The following CCDC178 variants were observed in gnomAD, a reference collection of about 807,000 sequenced individuals.
CCDC178 encodes coiled-coil domain-containing protein 178.
CCDC178 carries 126 observed loss-of-function variants against 117.4 expected under a neutral mutation model. The observed-to-expected ratio is 1.07, with a 90% CI of 0.93 to 1.24. The LOEUF (loss-of-function observed/expected upper bound fraction) is 1.24, where lower values mean the gene tolerates loss of function less well. Ranked by LOEUF, CCDC178 falls within the 50% of genes most tolerant of loss-of-function variation. The pLI is 0.00. For synonymous variants in CCDC178, 283 were observed against 313.4 expected (o/e 0.90, Z 1.02); for missense variants, 1,030 against 986.9 (o/e 1.04, Z -0.59).
intron 20 of CCDC178, among the ~76,000 whole-genome samples, chr18:33,118,276 G>C (rs1758847028): frequency 1.3e-5 from 2 of 151,972 alleles, no homozygotes; most frequent in African/African-American, 4.8e-5. Context: ...AGGGGACAGA[G>C]CTGGGGCAAT....
chr18:33,227,571 T>C (rs971202147), intron 15 of CCDC178, among the ~76,000 whole-genome samples: 42 of 144,464 alleles, frequency 2.9e-4, no homozygotes, highest in African/African-American at 1.0e-3. Flanking sequence ...TATATATATA[T>C]ATATATATAC....
intron 21 of CCDC178, among the ~76,000 whole-genome samples, chr18:33,002,556 T>C (rs1161180081): frequency 6.6e-6 from 1 of 151,976 alleles, no homozygotes; most frequent in African/African-American, 2.4e-5. Flanking sequence ...GGAAAGTTTA[T>C]AGCAATAAGA....
intron 20 of CCDC178, among the ~76,000 whole-genome samples, chr18:33,173,204 CATGCCTGG>C (rs2058624940): frequency 6.6e-6 from 1 of 152,068 alleles, no homozygotes; most frequent in African/African-American, 2.4e-5. Context: ...TGCAGGCTAC[CATGCCTGG>C]ATAATTTTTG....
At chr18:33,152,110 G>A (rs1043897079) in intron 20 of CCDC178, among the ~76,000 whole-genome samples, 7 of 151,992 alleles carry the variant, frequency 4.6e-5, no homozygotes, top group East Asian at 1.9e-4. Context: ...TAAAGTTTTC[G>A]GAGAGGAGAA....
rs140607182 is a variant in CCDC178, at chr18:33,095,346, T to C, written c.2239-2436A>G. On this transcript the variant is annotated intron_variant, in intron 20 of 22. Coordinates refer to ENST00000383096, the MANE Select transcript of CCDC178 (RefSeq NM_001105528.4). ...TTAATAGTTTCCATATTGTCTAGAGTTTATTAAGGAAAATATTTTACTTGG... is the reference window on the plus strand; with the variant it reads ...TTAATAGTTTCCATATTGTCTAGAGCTTATTAAGGAAAATATTTTACTTGG... Among the ~76,000 whole-genome samples the C allele has an allele frequency of 8.5e-3, 1,293 of 151,990 alleles. 58 individuals are homozygous for C. Among genetic ancestry groups the C allele is most frequent in the Admixed American group, 0.074 (1,120 of 15,224 alleles).
At chr18:32,983,323 T>C (rs553208891) in intron 21 of CCDC178, 1 of 1,531,656 alleles carries the variant, frequency 6.5e-7, no homozygotes, top group East Asian at 2.4e-5. Context: ...GCAGAGAGTT[T>C]GGAAGTTTCT....
intron 14 of CCDC178, 66 bp downstream of exon 14, chr18:33,266,850 G>C: frequency 7.5e-7 from 1 of 1,340,958 alleles, no homozygotes; most frequent in East Asian, 2.4e-5. Flanking sequence ...ACACAAACTG[G>C]AGAGGTTTAT....
intron 20 of CCDC178, among the ~76,000 whole-genome samples, chr18:33,115,474 A>T (rs549592737): frequency 1.3e-5 from 2 of 152,196 alleles, no homozygotes; most frequent in East Asian, 3.9e-4. Context: ...TCAAACTAGG[A>T]TCACTATAAT....
At chr18:32,942,196 T>A (rs954295759) in intron 22 of CCDC178, among the ~76,000 whole-genome samples, 1 of 152,150 alleles carries the variant, frequency 6.6e-6, no homozygotes, top group Admixed American at 6.6e-5. Context: ...TTAGGTATAT[T>A]CAGTGAGAAC....
At chr18:33,233,355 T>C (rs1408398353) in intron 15 of CCDC178, among the ~76,000 whole-genome samples, 3 of 152,120 alleles carry the variant, frequency 2.0e-5, no homozygotes, top group South Asian at 4.1e-4. Flanking sequence ...GTATCAAATA[T>C]CAGTTTTTAT....
At chr18:33,023,451 A>G (rs186589057) in intron 21 of CCDC178, among the ~76,000 whole-genome samples, 21 of 152,318 alleles carry the variant, frequency 1.4e-4, no homozygotes, top group African/African-American at 5.0e-4. Flanking sequence ...CTTGGAAAAT[A>G]ACACATTTCT....
At chr18:33,371,816 C>CACACACACAA (rs1184839772) in intron 5 of CCDC178, among the ~76,000 whole-genome samples, 1 of 149,536 alleles carries the variant, frequency 6.7e-6, no homozygotes, top group East Asian at 1.9e-4. Context: ...CACACACACA[C>CACACACACAA]ACATATGTAA....
At chr18:33,230,328 T>TA (rs530059321) in intron 15 of CCDC178, among the ~76,000 whole-genome samples, 21 of 152,180 alleles carry the variant, frequency 1.4e-4, no homozygotes, top group African/African-American at 5.1e-4. Context: ...TCAAATATGA[T>TA]AAAACCGAGG....
intron 17 of CCDC178, 62 bp from the exon 18 acceptor site, chr18:33,223,281 C>T: frequency 6.8e-7 from 1 of 1,477,872 alleles, no homozygotes; most frequent in Non-Finnish European, 9.0e-7. Context: ...TCATTTAGGC[C>T]AAATCGTACT....
At chr18:32,939,166 C>T (rs2054185493) in intron 22 of CCDC178, among the ~76,000 whole-genome samples, 1 of 151,894 alleles carries the variant, frequency 6.6e-6, no homozygotes, top group African/African-American at 2.4e-5. Flanking sequence ...TATACTTAAG[C>T]AGGTATAAAA....
intron 21 of CCDC178, among the ~76,000 whole-genome samples, chr18:32,995,494 T>G (rs2055483451): frequency 6.6e-6 from 1 of 152,270 alleles, no homozygotes; most frequent in Non-Finnish European, 1.5e-5. Context: ...AAGCCAAGTA[T>G]AATAGAGGCC....
chr18:32,943,967 T>C (rs1386438509), intron 22 of CCDC178, among the ~76,000 whole-genome samples: 5 of 152,230 alleles, frequency 3.3e-5, no homozygotes, highest in Admixed American at 6.5e-5. Flanking sequence ...TTCTCTTTCA[T>C]ATATTCATGC....
At chr18:33,162,714 A>G (rs1443911818) in intron 20 of CCDC178, among the ~76,000 whole-genome samples, 3 of 152,162 alleles carry the variant, frequency 2.0e-5, no homozygotes, top group Admixed American at 6.5e-5. Context: ...TTAGTTTGCC[A>G]AGGATGATGG....
intron 20 of CCDC178, among the ~76,000 whole-genome samples, chr18:33,178,288 T>A (rs546973210): frequency 1.3e-5 from 2 of 152,254 alleles, no homozygotes; most frequent in East Asian, 1.9e-4. Flanking sequence ...AGTTCCCACA[T>A]CCAATTAGTG....
Sources: allele counts gnomAD v4.1 joint callset (sites outside exome capture counted in the v4.1 genomes callset), GRCh38; gene constraint gnomAD v4.1.1; transcripts MANE v1.5; gene names NCBI Gene and HGNC (gene_info 2026-07-23, HGNC 2026-07-21).